Variants in ACAT1 observed in about 807,000 individuals in gnomAD.
ACAT1 encodes the protein acetyl-CoA acetyltransferase, mitochondrial.
A neutral mutation model predicts 47.3 loss-of-function variants in ACAT1; 28 were observed. The ratio of observed to expected loss-of-function variants is 0.59; its 90% confidence interval spans 0.44 to 0.81. The LOEUF (loss-of-function observed/expected upper bound fraction) is 0.81, where lower values mean the gene tolerates loss of function less well. Among genes scored for constraint, ACAT1 ranks in the 30% least tolerant of loss-of-function variants. The pLI is 0.00. For missense variants in ACAT1, 469 were observed against 524.3 expected, an observed-to-expected ratio of 0.89 and a Z score of 1.03; for synonymous variants, 181 against 173.6, an observed-to-expected ratio of 1.04 and a Z score of -0.34.
chr11:108,128,324 C>T (rs986503014), intron 1 of ACAT1, among the ~76,000 whole-genome samples: 4 of 152,202 alleles, frequency 2.6e-5, no homozygotes, highest in Non-Finnish European at 5.9e-5. Context: ...TGTGCAGTGG[C>T]TCATGCCTGT....
intron 2 of ACAT1, 42 bp downstream of exon 2, chr11:108,131,996 A>G (rs2077369755): frequency 7.9e-7 from 1 of 1,266,692 alleles, no homozygotes; most frequent in Non-Finnish European, 1.1e-6. Flanking sequence ...CAGAATTTAA[A>G]GGAAATGTCA....
Position 108,140,227 on chromosome 11 carries a change from G to A in ACAT1, c.730+12G>A, listed in dbSNP as rs559179516. On this transcript the variant is annotated intron_variant, in intron 7 of 11. Coordinates refer to ENST00000265838, the MANE Select transcript of ACAT1 (RefSeq NM_000019.4). ...AGTTACAGTAAAAGGTAGAGATAAT[G>A]TTCCAAAAAGGATGAATAGACTTTT... is the stretch of plus-strand genomic sequence containing the variant. The A allele has an allele frequency of 1.2e-5, 20 of 1,613,942 alleles. No individual in the cohort carries two copies. The Admixed American group carries it at 2.2e-4, about 17-fold the overall frequency.
chr11:108,135,272 A>T, intron 5 of ACAT1, 30 bp downstream of exon 5: 2 of 1,496,088 alleles, frequency 1.3e-6, no homozygotes, highest in Non-Finnish European at 1.9e-6. Flanking sequence ...CCATTTATTA[A>T]TCAGAGTAAT....
chr11:108,120,645 G>A (rs923357677), upstream of ACAT1, among the ~76,000 whole-genome samples: 6 of 152,190 alleles, frequency 3.9e-5, no homozygotes, highest in African/African-American at 1.4e-4. Flanking sequence ...GGTATGGCTT[G>A]TCTCTGCTCC....
upstream of ACAT1, among the ~76,000 whole-genome samples, chr11:108,120,092 G>A (rs540280496): frequency 6.6e-5 from 10 of 152,142 alleles, no homozygotes; most frequent in East Asian, 1.2e-3. Flanking sequence ...GGCAGCGTGC[G>A]CCTGTAATCC....
intron 6 of ACAT1, among the ~76,000 whole-genome samples, chr11:108,139,561 C>T (rs2077544252): frequency 6.6e-6 from 1 of 151,980 alleles, no homozygotes; most frequent in Admixed American, 6.6e-5. Flanking sequence ...CACTGCACTC[C>T]AGCCTGGGTG....
At chr11:108,130,948 T>C (rs1344274351) in intron 1 of ACAT1, among the ~76,000 whole-genome samples, 1 of 152,008 alleles carries the variant, frequency 6.6e-6, no homozygotes, top group African/African-American at 2.4e-5. Context: ...CGGGGTTTTT[T>C]CGCCAAGTTG....
At chr11:108,139,711 A>T (rs929814341) in intron 6 of ACAT1, among the ~76,000 whole-genome samples, 1 of 152,048 alleles carries the variant, frequency 6.6e-6, no homozygotes, top group African/African-American at 2.4e-5. Flanking sequence ...CCCAGGCTGG[A>T]GTGCAGTGGC....
intron 1 of ACAT1, among the ~76,000 whole-genome samples, chr11:108,123,862 C>T (rs1020315801): frequency 3.3e-5 from 5 of 152,020 alleles, no homozygotes; most frequent in African/African-American, 1.2e-4. Context: ...CACTATTGAC[C>T]ACTCCCTTCT....
upstream of ACAT1, among the ~76,000 whole-genome samples, chr11:108,120,888 GTCTCTACA>G (rs2077136711): frequency 8.2e-6 from 1 of 121,588 alleles, no homozygotes; most frequent in South Asian, 3.4e-4. Flanking sequence ...GGGAGACCTA[GTCTCTACA>G]AAAAAAAAAA....
chr11:108,130,643 CG>C (rs1269483609), intron 1 of ACAT1, among the ~76,000 whole-genome samples: 1 of 152,072 alleles, frequency 6.6e-6, no homozygotes, highest in Non-Finnish European at 1.5e-5. Flanking sequence ...CCACCCGCCT[CG>C]GCCTCCAAAG....
chr11:108,120,884 C>A (rs10890814), upstream of ACAT1, among the ~76,000 whole-genome samples: 1 of 151,284 alleles, frequency 6.6e-6, no homozygotes, highest in African/African-American at 2.4e-5. Context: ...CATAGGGAGA[C>A]CTAGTCTCTA....
chr11:108,119,038 T>C (rs1307877174), upstream of ACAT1, among the ~76,000 whole-genome samples: 1 of 152,190 alleles, frequency 6.6e-6, no homozygotes, highest in Non-Finnish European at 1.5e-5. Flanking sequence ...AGATTCCAAT[T>C]GCAACTGTGT....
chr11:108,132,830 G>A (rs2077387622), intron 2 of ACAT1, among the ~76,000 whole-genome samples: 1 of 127,366 alleles, frequency 7.9e-6, no homozygotes, highest in Non-Finnish European at 1.6e-5. Flanking sequence ...CTCTAGCCTG[G>A]GCAACAGAGC....
chr11:108,130,714 G>C (rs1467727571), intron 1 of ACAT1, among the ~76,000 whole-genome samples: 2 of 151,772 alleles, frequency 1.3e-5, no homozygotes. Flanking sequence ...TTTCAGATCA[G>C]TAGGTCTCTG....
In ACAT1 at chr11:108,133,949, C is replaced by T; in HGVS notation, c.238+12C>T. 1.2e-6 allele frequency: 2 copies of T among 1,609,160 alleles called. No individual in the cohort carries two copies. Among genetic ancestry groups the T allele is most frequent in the Non-Finnish European group, 1.7e-6 (2 of 1,175,598 alleles). On this transcript the variant is annotated intron_variant, in intron 3 of 11. Coordinates refer to ENST00000265838, the MANE Select transcript of ACAT1 (RefSeq NM_000019.4). ...CATTGAAAAGGCAGGTCAGTAGTTACTTGGCTTTTTGTGTTAAGGGAGCAA... is the reference window on the plus strand; with the variant it reads ...CATTGAAAAGGCAGGTCAGTAGTTATTTGGCTTTTTGTGTTAAGGGAGCAA...
intron 1 of ACAT1, among the ~76,000 whole-genome samples, chr11:108,123,710 T>C (rs775242118): frequency 5.3e-5 from 8 of 152,202 alleles, no homozygotes; most frequent in Non-Finnish European, 7.3e-5. Context: ...TCTATTTTAA[T>C]TTTAGTTTTT....
chr11:108,137,498 G>T (rs1326615897), intron 5 of ACAT1, among the ~76,000 whole-genome samples: 2 of 152,202 alleles, frequency 1.3e-5, no homozygotes, highest in Non-Finnish European at 2.9e-5. Context: ...CATGTCAGAA[G>T]ATCAAGTGGA....
Position 108,134,200 on chromosome 11 carries a change from CTTTTT to C in ACAT1, c.239-12_239-8del. ...TAAATTGAATTAAATGCCTTTTTGA[CTTTTT>C]TTTTTTTTAATAAAGGGATTCCAAA... On this transcript the variant is annotated splice_polypyrimidine_tract_variant and intron_variant, in intron 3 of 11. Transcript: ENST00000265838. The C allele has an allele frequency of 1.5e-6, 2 of 1,362,128 alleles. No homozygotes were observed. The highest frequency in any genetic ancestry group is 2.0e-6 in the Non-Finnish European group (2 of 983,990). The allele number at this position is 1,362,128 out of a possible 1,614,324, so 84.4% of individuals were successfully genotyped here. A position where few individuals can be genotyped will look rare whatever the true frequency, so the allele number is the denominator to read the frequency against.
Sources: gnomAD v4.1 joint callset for allele counts (sites outside exome capture counted in the v4.1 genomes callset) on GRCh38, gnomAD v4.1.1 for gene constraint, MANE v1.5 for transcripts, NCBI Gene and HGNC (gene_info 2026-07-23, HGNC 2026-07-21) for gene names.